ENTR1: variants seen among roughly 807,000 people sequenced by gnomAD.
ENTR1 encodes the protein endosome associated trafficking regulator 1.
ENTR1 carries 47 observed loss-of-function variants against 47.9 expected under a neutral mutation model. The observed-to-expected ratio is 0.98, with a 90% confidence interval of 0.78 to 1.25. ENTR1 has a LOEUF of 1.25. Among genes scored for constraint, ENTR1 ranks in the 50% most tolerant of loss-of-function variants. The pLI is 0.00. For missense variants in ENTR1, 668 were observed against 570.5 expected (o/e 1.17, Z -1.74); for synonymous variants, 290 against 245.8 (o/e 1.18, Z -1.68).
At chr9:136,404,931 C>G (rs1188658945) in intron 7 of ENTR1, among the ~76,000 whole-genome samples, 160 bp downstream of exon 7, 1 of 152,210 alleles carries the variant, frequency 6.6e-6, no homozygotes, top group Non-Finnish European at 1.5e-5. Flanking sequence ...CCAGCTATCC[C>G]CAGGCACAGC....
At position 136,407,340 on chromosome 9, in the gene ENTR1, G is replaced by A; in HGVS notation, c.624C>T (p.Cys208=). ...PERVPAGTSP[C]STYLSFFSTP... The stretch of plus-strand genomic sequence containing the variant: ...TGGAGAAAAAGGAAAGGTATGTGCT[G>A]CAGGGCGACGTGCCGGCAGGGACCC... The change falls in exon 5 of 10, where the codon TGC becomes TGT. Residue 208 remains cysteine (C), a synonymous_variant. Coordinates refer to ENST00000357365, the MANE Select transcript of ENTR1 (RefSeq NM_001039707.2). 2 of 1,608,424 alleles carry A rather than the reference G, an allele frequency of 1.2e-6. No homozygotes were observed. The highest frequency in any genetic ancestry group is 1.7e-5 in the Admixed American group (1 of 59,330).
At chr9:136,404,732 G>A in intron 7 of ENTR1, 39 bp from the exon 8 acceptor site, 3 of 1,605,714 alleles carry the variant, frequency 1.9e-6, no homozygotes, top group Non-Finnish European at 2.6e-6. Flanking sequence ...AAGCATCACT[G>A]ATGTCCTCAC....
intron 2 of ENTR1, among the ~76,000 whole-genome samples, chr9:136,409,500 A>ATTT (rs1160722727): frequency 6.6e-6 from 1 of 152,166 alleles, no homozygotes; most frequent in East Asian, 1.9e-4. Context: ...AACTTTAAAA[A>ATTT]AAACACAAGC....
At chr9:136,407,976 G>T in intron 3 of ENTR1, 38 bp from the exon 4 acceptor site, 2 of 1,356,586 alleles carry the variant, frequency 1.5e-6, no homozygotes, top group South Asian at 1.2e-5. Context: ...AAAGTCTACT[G>T]AAGAGCGTTG....
chr9:136,405,166 C>A lies in ENTR1; in HGVS notation c.930G>T (p.Met310Ile). Residue 310 changes from methionine (M) to isoleucine (I), a missense_variant, in exon 7 of 10, where the codon ATG (methionine) becomes ATT (isoleucine). Physicochemically the swap from Met to Ile is conservative, Grantham distance 10. Transcript: ENST00000357365. ...CGTGGTAGTCGCTTTCCTCCTTGAT[C>A]ATTTTTGCTTCTAACTTCCGCTCAA... ...RTLERKLEAKMIKEESDYHDL... is the reference protein window; with the variant it reads ...RTLERKLEAKIIKEESDYHDL... 6.2e-7 allele frequency: 1 copy of A among 1,614,032 alleles called. No homozygotes were observed. The highest frequency in any genetic ancestry group is 8.5e-7 in the Non-Finnish European group (1 of 1,179,988).
At chr9:136,407,762 G>C in intron 4 of ENTR1, 64 bp downstream of exon 4, 1 of 1,413,180 alleles carries the variant, frequency 7.1e-7, no homozygotes, top group Non-Finnish European at 1.0e-6. Context: ...TCCTCCAAAG[G>C]AGGCTGCAGA....
rs1298801452 is a variant in ENTR1 at position 136,401,933 on chromosome 9, A to T, written c.*855T>A. ...CAGAGAAGAGACAGTGCGGTGAACT[A>T]CAGAATTTATTAAATAAGAAAGCTA... On this transcript the variant is annotated 3_prime_UTR_variant, in exon 10 of 10. Transcript: ENST00000357365. 1 of 152,342 alleles carries T rather than the reference A, an allele frequency of 6.6e-6. No individual in the cohort carries two copies. Among genetic ancestry groups the T allele is most frequent in the African/African-American group, 2.4e-5 (1 of 41,474 alleles). 9.4% of individuals were successfully genotyped at this position (152,342 alleles called of 1,614,324 possible).
chr9:136,407,598 T>TGCTTCTGA, intron 4 of ENTR1, 37 bp from the exon 5 acceptor site: 4 of 1,510,130 alleles, frequency 2.6e-6, no homozygotes, highest in Non-Finnish European at 3.5e-6. Context: ...ATGGAGGCCA[T>TGCTTCTGA]GCTTCTGACT....
chr9:136,403,471 G>T (rs1380636459), intron 9 of ENTR1, among the ~76,000 whole-genome samples: 1 of 140,760 alleles, frequency 7.1e-6, no homozygotes, highest in Non-Finnish European at 1.5e-5. Context: ...GCCGGGGGAA[G>T]AAAGGGACAG....
chr9:136,409,103 G>T, intron 2 of ENTR1, 36 bp from the exon 3 acceptor site: 2 of 1,599,908 alleles, frequency 1.3e-6, no homozygotes, highest in South Asian at 1.1e-5. Flanking sequence ...ATGCTGGCAG[G>T]AAGTCTTTAT....
Position 136,405,987 on chromosome 9 carries a change from A to G in ENTR1, c.820-9T>C, listed in dbSNP as rs370589830. ...GAATTTTCATCTTTCAGCTGTGGAG[A>G]GAGAACATCCTTATTAGAAAGTCAG... is the stretch of plus-strand genomic sequence containing the variant. On this transcript the variant is annotated splice_polypyrimidine_tract_variant and intron_variant, in intron 5 of 9. Transcript: ENST00000357365. 1.6e-4 allele frequency: 264 copies of G among 1,603,392 alleles called. No individual in the cohort carries two copies. The highest frequency in any genetic ancestry group is 2.1e-4 in the Non-Finnish European group (251 of 1,174,554).
chr9:136,406,006 A>T, intron 5 of ENTR1, 28 bp from the exon 6 acceptor site: 2 of 1,562,118 alleles, frequency 1.3e-6, no homozygotes, highest in Non-Finnish European at 1.7e-6. Context: ...CCTTATTAGA[A>T]AGTCAGCATG....
intron 9 of ENTR1, among the ~76,000 whole-genome samples, chr9:136,403,464 G>A (rs550930120): frequency 5.2e-5 from 5 of 97,046 alleles, no homozygotes; most frequent in African/African-American, 1.2e-4. Context: ...GGGGTTTGCC[G>A]GGGGAAGAAA....
intron 3 of ENTR1, 139 bp downstream of exon 3, chr9:136,408,860 A>G (rs963805582): frequency 1.5e-6 from 1 of 656,714 alleles, no homozygotes; most frequent in Non-Finnish European, 2.7e-6. Context: ...TCAAGACTGA[A>G]CCCTTGAAAT....
Position 136,407,238 on chromosome 9 carries a change from G to C in ENTR1, c.726C>G (p.Ala242=), listed in dbSNP as rs369826398. Residue 242 remains alanine, a synonymous_variant, in exon 5 of 10, where the codon GCC becomes GCG. Transcript: ENST00000357365. ...LSDTDSRVSP[A]SPAGSPSADF... ...CTGCGCTAGGACTCCCTGCCGGAGAGGCCGGAGACACGCGAGAATCAGTGT... is the reference window on the plus strand; with the variant it reads ...CTGCGCTAGGACTCCCTGCCGGAGACGCCGGAGACACGCGAGAATCAGTGT... 2.0e-5 allele frequency: 32 copies of C among 1,613,078 alleles called. No homozygotes were observed. Among genetic ancestry groups the C allele is most frequent in the Non-Finnish European group, 2.5e-5 (30 of 1,180,018 alleles).
intron 3 of ENTR1, among the ~76,000 whole-genome samples, chr9:136,408,406 A>G (rs10870134): frequency 0.1 from 15,806 of 151,648 alleles, 981 homozygotes; most frequent in Admixed American, 0.19. Context: ...GTGAAACCTC[A>G]TCTCTACTAA....
intron 3 of ENTR1, 88 bp from the exon 4 acceptor site, chr9:136,408,026 G>T: frequency 3.6e-6 from 3 of 838,836 alleles, no homozygotes; most frequent in East Asian, 2.5e-5. Flanking sequence ...CCAGAGCATG[G>T]CCACATGTGA....
At chr9:136,408,053 T>C (rs530037499) in intron 3 of ENTR1, 115 bp from the exon 4 acceptor site, 56 of 675,780 alleles carry the variant, frequency 8.3e-5, no homozygotes, top group Admixed American at 3.8e-4. Flanking sequence ...GCAGCCACGC[T>C]TGTCATTCTA....
chr9:136,409,075 G>T lies in ENTR1; in HGVS notation c.221-8C>A. The stretch of plus-strand genomic sequence containing the variant: ...CCTTTCCATAGCCAAAATCTGCAAA[G>T]AAACAATGTCACCCACCATGCTGGC... On this transcript the variant is annotated splice_region_variant and splice_polypyrimidine_tract_variant and intron_variant, in intron 2 of 9. Transcript: ENST00000357365. 1 of 1,613,572 alleles carries T rather than the reference G, an allele frequency of 6.2e-7. No homozygotes were observed. Among genetic ancestry groups the T allele is most frequent in the East Asian group, 2.2e-5 (1 of 44,878 alleles).
Sources: gnomAD v4.1 joint callset for allele counts (sites outside exome capture counted in the v4.1 genomes callset) on GRCh38, gnomAD v4.1.1 for gene constraint, MANE v1.5 for transcripts, NCBI Gene and HGNC (gene_info 2026-07-23, HGNC 2026-07-21) for gene names.